The following MACROD1 variants were observed in gnomAD, a reference collection of about 807,000 sequenced individuals.
MACROD1 encodes the protein mono-ADP ribosylhydrolase 1, also known as ADP-ribose glycohydrolase MACROD1.
MACROD1 carries 31 observed loss-of-function variants against 41.4 expected under a neutral mutation model. The ratio of observed to expected loss-of-function variants is 0.75; its 90% confidence interval spans 0.56 to 1.01. The LOEUF (loss-of-function observed/expected upper bound fraction) is 1.01. Among genes scored for constraint, MACROD1 ranks in the 50% least tolerant of loss-of-function variants. The pLI is 0.00. For synonymous variants in MACROD1, 252 were observed against 203.4 expected (o/e 1.24, Z -2.03); for missense variants, 473 against 460.0 (o/e 1.03, Z -0.26).
chr11:64,134,049 C>T (rs985913012), intron 3 of MACROD1, among the ~76,000 whole-genome samples: 1 of 152,174 alleles, frequency 6.6e-6, no homozygotes, highest in African/African-American at 2.4e-5. Flanking sequence ...AGTCACCCAA[C>T]CCGGCTAGAA....
Position 64,041,434 on chromosome 11 carries a change from G to A in MACROD1, c.518-26153C>T, listed in dbSNP as rs1311627737. 2.0e-5 allele frequency among the ~76,000 whole-genome samples: 3 copies of A among 152,026 alleles called. No homozygotes were observed. The East Asian group carries it at 5.8e-4, about 30-fold the overall frequency. ...GCTGGAACCAGGAGGGGCTTTTCCT[G>A]GGGGAGGTCAGCCAGGGGCTGAGGA... On this transcript the variant is annotated intron_variant, in intron 3 of 10. Transcript: ENST00000255681.
At chr11:64,129,342 C>A (rs2622420) in intron 3 of MACROD1, among the ~76,000 whole-genome samples, 9,797 of 152,326 alleles carry the variant, frequency 0.064, 393 homozygotes, top group Middle Eastern at 0.15. Context: ...CAGCTCCATC[C>A]CCGACTGCTG....
At chr11:64,129,963 T>A (rs888795626) in intron 3 of MACROD1, among the ~76,000 whole-genome samples, 1 of 152,012 alleles carries the variant, frequency 6.6e-6, no homozygotes, top group African/African-American at 2.4e-5. Context: ...CTCCCGTTCT[T>A]ACAGGAAAGC....
At chr11:64,060,140 T>C (rs1307082760) in intron 3 of MACROD1, among the ~76,000 whole-genome samples, 1 of 152,268 alleles carries the variant, frequency 6.6e-6, no homozygotes, top group Non-Finnish European at 1.5e-5. Flanking sequence ...ATTAGTGTTC[T>C]GTCAAGTGAA....
intron 3 of MACROD1, among the ~76,000 whole-genome samples, chr11:64,135,684 C>G (rs1945322241): frequency 1.3e-5 from 2 of 152,208 alleles, no homozygotes; most frequent in African/African-American, 4.8e-5. Flanking sequence ...GCCCCTTCTG[C>G]AGCTTGAGGG....
intron 1 of MACROD1, among the ~76,000 whole-genome samples, chr11:64,162,493 C>T (rs1244226365): frequency 1.3e-5 from 2 of 151,988 alleles, no homozygotes; most frequent in African/African-American, 4.8e-5. Context: ...CTGAGCGAGA[C>T]CCTGTCTCGA....
intron 3 of MACROD1, among the ~76,000 whole-genome samples, chr11:64,018,800 G>C (rs566882788): frequency 2.4e-4 from 37 of 152,288 alleles, no homozygotes; most frequent in African/African-American, 8.4e-4. Context: ...AGATGCAGGT[G>C]GGCCCAGGAG....
intron 3 of MACROD1, among the ~76,000 whole-genome samples, chr11:64,074,327 A>G (rs1348696989): frequency 6.6e-6 from 1 of 152,154 alleles, no homozygotes; most frequent in Non-Finnish European, 1.5e-5. Context: ...TGCATTCTGC[A>G]AGGTCCCGCT....
intron 3 of MACROD1, chr11:64,118,582 G>A: frequency 3.1e-6 from 1 of 327,820 alleles, no homozygotes; most frequent in Non-Finnish European, 5.8e-6. Context: ...ATTGCAGGCA[G>A]GGCTGGGTTG....
intron 4 of MACROD1, among the ~76,000 whole-genome samples, chr11:64,013,268 G>T (rs1000869614): frequency 6.6e-6 from 1 of 152,186 alleles, no homozygotes; most frequent in African/African-American, 2.4e-5. Context: ...CCACAGCAGG[G>T]TGGGGGCCGG....
chr11:64,026,024 T>C lies in MACROD1; in HGVS notation c.518-10743A>G, dbSNP rs1943219886. Among the ~76,000 whole-genome samples the C allele has an allele frequency of 1.3e-5, 2 of 152,018 alleles. 1 individual carries two copies. Among genetic ancestry groups the C allele is most frequent in the South Asian group, 4.1e-4 (2 of 4,826 alleles). ...GGTGAAACCCCGTCTCTACTAAAAA[T>C]ATAAAAATCAGCTGGGCGTGGTGGT... On this transcript the variant is annotated intron_variant, in intron 3 of 10. Coordinates refer to ENST00000255681, the MANE Select transcript of MACROD1 (RefSeq NM_014067.4).
intron 3 of MACROD1, among the ~76,000 whole-genome samples, chr11:64,028,550 C>A (rs1213279048): frequency 6.6e-6 from 1 of 152,244 alleles, no homozygotes; most frequent in Non-Finnish European, 1.5e-5. Flanking sequence ...CCGGCCTCAG[C>A]CCCTCTGCTC....
At position 64,029,161 on chromosome 11, in the gene MACROD1, G is replaced by GGGGAGTGGCCACCTGCT. The variant is rs1943261797; in HGVS notation, c.518-13897_518-13881dup. 5.3e-5 allele frequency among the ~76,000 whole-genome samples: 8 copies of GGGGAGTGGCCACCTGCT among 152,356 alleles called. No homozygotes were observed. In the South Asian group the frequency reaches 1.7e-3, roughly 32 times the overall value. ...GAGCTGCTTGAGTTCCCAGTGAGGT[G>GGGGAGTGGCCACCTGCT]GGGAGTGGCCACCTGCTGGGGTTGG... On this transcript the variant is annotated intron_variant, in intron 3 of 10. Transcript: ENST00000255681.
At chr11:64,143,802 A>ACACACACACACACACACACACAC (rs1590963930) in intron 3 of MACROD1, among the ~76,000 whole-genome samples, 3 of 131,264 alleles carry the variant, frequency 2.3e-5, no homozygotes, top group East Asian at 2.2e-4. Flanking sequence ...ACACACACAC[A>ACACACACACACACACACACACAC]ATTTCCTGGG....
At chr11:64,134,121 T>A (rs1161079586) in intron 3 of MACROD1, among the ~76,000 whole-genome samples, 3 of 152,190 alleles carry the variant, frequency 2.0e-5, no homozygotes, top group Non-Finnish European at 4.4e-5. Flanking sequence ...TGGGGCTAGA[T>A]GACAGAGGTG....
At chr11:64,068,875 T>C (rs1944054603) in intron 3 of MACROD1, among the ~76,000 whole-genome samples, 2 of 152,150 alleles carry the variant, frequency 1.3e-5, no homozygotes, top group South Asian at 4.1e-4. Context: ...TCCCCGGAGG[T>C]TCACAGAAGT....
At position 64,151,083 on chromosome 11, in the gene MACROD1, G is replaced by A. The variant is rs575294216; in HGVS notation, c.517+156C>T. Among the ~76,000 whole-genome samples the A allele has an allele frequency of 3.3e-5, 5 of 152,310 alleles. No individual in the cohort carries two copies. In the East Asian group the frequency reaches 9.7e-4, roughly 29 times the overall value. ...TTTCAAGGGAAGAGGAGCCCGAGTG[G>A]CCGACACGTTGGGCTGCCATGGCGC... On this transcript the variant is annotated intron_variant, in intron 3 of 10. Coordinates refer to ENST00000255681, the MANE Select transcript of MACROD1 (RefSeq NM_014067.4).
chr11:64,150,821 C>T (rs546449481), intron 3 of MACROD1, among the ~76,000 whole-genome samples: 4 of 152,316 alleles, frequency 2.6e-5, no homozygotes, highest in Non-Finnish European at 5.9e-5. Flanking sequence ...CCTCTCTGCC[C>T]CCACTATCCC....
At chr11:64,106,991 C>T (rs1382971163) in intron 3 of MACROD1, among the ~76,000 whole-genome samples, 2 of 152,194 alleles carry the variant, frequency 1.3e-5, no homozygotes, top group Non-Finnish European at 2.9e-5. Context: ...TCAAGTGAAT[C>T]TCCTGCCTCA....
Sources: gnomAD v4.1 joint callset for allele counts (sites outside exome capture counted in the v4.1 genomes callset) on GRCh38, gnomAD v4.1.1 for gene constraint, MANE v1.5 for transcripts, NCBI Gene and HGNC (gene_info 2026-07-23, HGNC 2026-07-21) for gene names.